Variants in CASK observed in about 807,000 individuals in gnomAD.
CASK encodes calcium/calmodulin dependent serine protein kinase.
A neutral mutation model predicts 82.9 loss-of-function variants in CASK; 4 were observed. The observed-to-expected ratio is 0.05, with a 90% CI of 0.02 to 0.11. The LOEUF (loss-of-function observed/expected upper bound fraction) is 0.11. Among genes scored for constraint, CASK ranks in the 10% least tolerant of loss-of-function variants. The pLI, the probability that CASK is intolerant of heterozygous loss-of-function variation, is 1.00. For synonymous variants in CASK, 259 were observed against 253.5 expected (o/e 1.02, Z -0.20); for missense variants, 358 against 720.9 (o/e 0.50, Z 5.76).
intron 3 of CASK, chrX:41,748,358 T>C (rs1397640012): frequency 6.8e-6 from 1 of 147,422 alleles, no homozygotes; most frequent in Non-Finnish European, 1.4e-5. Flanking sequence ...CATTGGTGAA[T>C]TTGAAATCAC....
At chrX:41,652,703 G>C (rs996528033) in intron 8 of CASK, among the ~76,000 whole-genome samples, 1 of 112,108 alleles carries the variant, frequency 8.9e-6, no homozygotes, top group African/African-American at 3.2e-5. Context: ...CCGGATAGCT[G>C]CACACATGGA....
chrX:41,666,581 T>C (rs771870956), intron 6 of CASK, among the ~76,000 whole-genome samples: 5 of 112,196 alleles, frequency 4.5e-5, no homozygotes, highest in Non-Finnish European at 9.4e-5. Flanking sequence ...TCAAGTTCTG[T>C]TCATGATTAT....
chrX:41,590,402 C>T (rs1221043571), intron 12 of CASK, among the ~76,000 whole-genome samples: 2 of 103,023 alleles, frequency 1.9e-5, no homozygotes, highest in Non-Finnish European at 3.9e-5. Context: ...CCCAACTACT[C>T]GGGAGGCTGA....
intron 1 of CASK, among the ~76,000 whole-genome samples, chrX:41,916,442 CAGCATAAATCCAG>C (rs969185638): frequency 8.9e-6 from 1 of 111,744 alleles, no homozygotes; most frequent in Non-Finnish European, 1.9e-5. Context: ...TTAAATCCCA[CAGCATAAATCCAG>C]AGCCATATTT....
At chrX:41,537,349 C>A (rs2064887645) in intron 22 of CASK, among the ~76,000 whole-genome samples, 1 of 110,967 alleles carries the variant, frequency 9.0e-6, no homozygotes, top group East Asian at 2.8e-4. Flanking sequence ...ATTAGGAAAG[C>A]ACTTAAAGAA....
intron 3 of CASK, among the ~76,000 whole-genome samples, chrX:41,784,608 T>C (rs2042143184): frequency 8.9e-6 from 1 of 112,095 alleles, no homozygotes; most frequent in Admixed American, 9.4e-5. Flanking sequence ...CTGGGCGTGG[T>C]GGCTCATGCC....
At chrX:41,787,928 G>A (rs1194359232) in intron 2 of CASK, among the ~76,000 whole-genome samples, 6 of 110,666 alleles carry the variant, frequency 5.4e-5, no homozygotes, top group Non-Finnish European at 1.1e-4. Context: ...GGCCGAGACA[G>A]GTGGATCACT....
intron 1 of CASK, among the ~76,000 whole-genome samples, chrX:41,889,531 G>A (rs1054611040): frequency 2.7e-5 from 3 of 111,355 alleles, no homozygotes; most frequent in Non-Finnish European, 3.8e-5. Flanking sequence ...GAGTCAGTAT[G>A]AAGTGACTCA....
chrX:41,781,283 G>T lies in CASK; in HGVS notation c.278+5895C>A, dbSNP rs1291523058. Among the ~76,000 whole-genome samples, 6 of 111,582 alleles carry T rather than the reference G, an allele frequency of 5.4e-5. No individual in the cohort carries two copies. In the East Asian group the frequency reaches 1.7e-3, roughly 31 times the overall value. The stretch of plus-strand genomic sequence containing the variant: ...TCTAACATGATAAACAACATTCTCG[G>T]GCCATATAATTTCATGACTTCAGTT... On this transcript the variant is annotated intron_variant, in intron 3 of 26. Coordinates refer to ENST00000378163, the MANE Select transcript of CASK (RefSeq NM_001367721.1).
intron 2 of CASK, among the ~76,000 whole-genome samples, chrX:41,822,557 C>CAA (rs61374081): frequency 5.9e-4 from 30 of 50,659 alleles, no homozygotes; most frequent in African/African-American, 7.1e-4. Flanking sequence ...GACTCCGTCT[C>CAA]AAAAAAAAAA....
chrX:41,696,614 T>C, intron 5 of CASK: 1 of 1,211,012 alleles, frequency 8.3e-7, no homozygotes, highest in Admixed American at 2.2e-5. Context: ...CAGTCATGTA[T>C]TTCCTGATGT....
chrX:41,521,938 G>A (rs2147062918), intron 26 of CASK, among the ~76,000 whole-genome samples: 1 of 112,077 alleles, frequency 8.9e-6, no homozygotes, highest in Non-Finnish European at 1.9e-5. Flanking sequence ...TCTGACTAGT[G>A]CCAGTCATTA....
chrX:41,807,896 C>T (rs963369803), intron 2 of CASK, among the ~76,000 whole-genome samples: 2 of 111,670 alleles, frequency 1.8e-5, no homozygotes, highest in African/African-American at 3.3e-5. Context: ...ACTCTTATCA[C>T]CCAGGCTGGA....
At chrX:41,916,910 A>G (rs1173079806) in intron 1 of CASK, among the ~76,000 whole-genome samples, 3 of 112,141 alleles carry the variant, frequency 2.7e-5, no homozygotes, top group African/African-American at 9.7e-5. Flanking sequence ...TTTTGGACAG[A>G]TGGCCAAGAG....
intron 17 of CASK, among the ~76,000 whole-genome samples, chrX:41,560,902 A>C (rs925416231): frequency 1.4e-4 from 15 of 110,123 alleles, no homozygotes; most frequent in African/African-American, 4.6e-4. Flanking sequence ...AAAAAAAAGA[A>C]AAAAAAATGT....
chrX:41,727,094 T>C, intron 5 of CASK: 1 of 1,168,131 alleles, frequency 8.6e-7, no homozygotes, highest in East Asian at 3.0e-5. Context: ...ATCATTTACA[T>C]CCTCCTTTGT....
chrX:41,795,207 A>G (rs2069825517), intron 2 of CASK, among the ~76,000 whole-genome samples: 1 of 112,742 alleles, frequency 8.9e-6, no homozygotes, highest in African/African-American at 3.2e-5. Context: ...AATAACTACC[A>G]ATATGTGATA....
intron 15 of CASK, among the ~76,000 whole-genome samples, chrX:41,570,201 GAA>G (rs2065392805): frequency 9.2e-6 from 1 of 108,457 alleles, no homozygotes; most frequent in South Asian, 4.0e-4. Context: ...CGAGGGTAAG[GAA>G]AGAGATGGTT....
At chrX:41,644,819 A>G (rs973380995) in intron 8 of CASK, among the ~76,000 whole-genome samples, 1 of 111,874 alleles carries the variant, frequency 8.9e-6, no homozygotes, top group Non-Finnish European at 1.9e-5. Context: ...CAGAGGTAAG[A>G]TAGACTCTAG....
Sources: allele counts gnomAD v4.1 joint callset (sites outside exome capture counted in the v4.1 genomes callset), GRCh38; gene constraint gnomAD v4.1.1; transcripts MANE v1.5; gene names NCBI Gene and HGNC (gene_info 2026-07-23, HGNC 2026-07-21).